The following ERI3 variants were observed in gnomAD, a reference collection of about 807,000 sequenced individuals.
ERI3 encodes the protein ERI1 exoribonuclease family member 3, also known as ERI1 exoribonuclease 3.
In ERI3, 18 loss-of-function variants were observed where a neutral mutation model predicts 44.4. The observed-to-expected ratio is 0.41, with a 90% CI of 0.28 to 0.60. The LOEUF (loss-of-function observed/expected upper bound fraction) is 0.60, where lower values mean the gene tolerates loss of function less well. Ranked by LOEUF, ERI3 falls within the 20% of genes least tolerant of loss-of-function variation. The probability of loss-of-function intolerance (pLI) is 0.36; values close to 1 mark genes in which losing one functional copy is unlikely to be tolerated. For synonymous variants in ERI3, 183 were observed against 164.8 expected (o/e 1.11, Z -0.84); for missense variants, 294 against 435.5 (o/e 0.68, Z 2.89).
At chr1:44,348,628 C>CA (rs1289784526) in intron 2 of ERI3, among the ~76,000 whole-genome samples, 1 of 152,184 alleles carries the variant, frequency 6.6e-6, no homozygotes, top group East Asian at 1.9e-4. Flanking sequence ...GTCTGCTTCC[C>CA]AACAGTTCTG....
intron 8 of ERI3, among the ~76,000 whole-genome samples, chr1:44,244,993 C>CCA (rs1644524307): frequency 6.6e-6 from 1 of 152,134 alleles, no homozygotes; most frequent in East Asian, 1.9e-4. Context: ...AATACACATA[C>CCA]CACTCCCCAC....
intron 3 of ERI3, among the ~76,000 whole-genome samples, chr1:44,324,647 A>C (rs1278986319): frequency 6.6e-6 from 1 of 151,906 alleles, no homozygotes; most frequent in African/African-American, 2.4e-5. Context: ...ACATCCGGCT[A>C]ATTTTTTTGT....
intron 3 of ERI3, among the ~76,000 whole-genome samples, chr1:44,325,859 G>C (rs1646302477): frequency 6.6e-6 from 1 of 151,984 alleles, no homozygotes; most frequent in African/African-American, 2.4e-5. Context: ...ACGTTGGCCA[G>C]GTGGGTCTCA....
chr1:44,317,961 A>G (rs1466858560), intron 4 of ERI3, among the ~76,000 whole-genome samples: 1 of 152,220 alleles, frequency 6.6e-6, no homozygotes, highest in African/African-American at 2.4e-5. Flanking sequence ...TGCCTACAGA[A>G]CAACCACATT....
chr1:44,283,102 A>T (rs967443339), intron 7 of ERI3, among the ~76,000 whole-genome samples: 1 of 152,098 alleles, frequency 6.6e-6, no homozygotes, highest in Non-Finnish European at 1.5e-5. Flanking sequence ...TTCACATTGC[A>T]TTTGCTGAGG....
chr1:44,249,442 A>G (rs1422459963), intron 7 of ERI3, among the ~76,000 whole-genome samples: 1 of 152,222 alleles, frequency 6.6e-6, no homozygotes, highest in Non-Finnish European at 1.5e-5. Flanking sequence ...TGTCTGTGCC[A>G]GGGCCCAGGG....
At chr1:44,352,348 CAGG>C (rs1245725449) in intron 2 of ERI3, among the ~76,000 whole-genome samples, 1 of 152,128 alleles carries the variant, frequency 6.6e-6, no homozygotes, top group African/African-American at 2.4e-5. Context: ...TACTTGTGGG[CAGG>C]AGATCACTTG....
In ERI3 at chr1:44,335,219, C is replaced by T. The variant is rs138581684; in HGVS notation, c.489+3826G>A. 4.6e-5 allele frequency among the ~76,000 whole-genome samples: 7 copies of T among 151,994 alleles called. No individual in the cohort carries two copies. The East Asian group carries it at 1.2e-3, about 25-fold the overall frequency. ...TTAGCCAGGCATGATGGAGCATACC[C>T]ATAGTCCCAGCTACTTGGTAGGCTA... On this transcript the variant is annotated intron_variant, in intron 3 of 8. Transcript: ENST00000372257.
intron 5 of ERI3, among the ~76,000 whole-genome samples, chr1:44,312,535 T>G (rs1286113504): frequency 6.6e-6 from 1 of 152,172 alleles, no homozygotes; most frequent in Non-Finnish European, 1.5e-5. Flanking sequence ...ATCCTAGAAG[T>G]GTGGTCTCTG....
chr1:44,294,874 G>C (rs1234711691), intron 6 of ERI3, among the ~76,000 whole-genome samples: 1 of 152,340 alleles, frequency 6.6e-6, no homozygotes, highest in South Asian at 2.1e-4. Flanking sequence ...CCCTATGCCT[G>C]AACTGCCGTT....
intron 7 of ERI3, among the ~76,000 whole-genome samples, chr1:44,277,914 T>C (rs1354593039): frequency 2.0e-5 from 3 of 152,180 alleles, no homozygotes; most frequent in African/African-American, 7.2e-5. Flanking sequence ...TACATAACCA[T>C]AGCGTCTAGC....
In ERI3 at chr1:44,224,378, C is replaced by T. The variant is rs754156553; in HGVS notation, c.932-2738G>A. Among the ~76,000 whole-genome samples the T allele has an allele frequency of 2.8e-4, 43 of 152,340 alleles. No homozygotes were observed. In the Middle Eastern group the frequency reaches 0.01, roughly 36 times the overall value. On this transcript the variant is annotated intron_variant, in intron 8 of 8. Coordinates refer to ENST00000372257, the MANE Select transcript of ERI3 (RefSeq NM_024066.3). Reference sequence around the variant, plus strand: ...ATGCTCAACCCTCAATCCCTGGACTCCAATCTCAAGGACCCACTCACTGTT... The same window carrying T: ...ATGCTCAACCCTCAATCCCTGGACTTCAATCTCAAGGACCCACTCACTGTT...
At chr1:44,302,152 T>C (rs1645739477) in intron 6 of ERI3, among the ~76,000 whole-genome samples, 1 of 152,234 alleles carries the variant, frequency 6.6e-6, no homozygotes, top group Non-Finnish European at 1.5e-5. Flanking sequence ...ACACGTTCAC[T>C]CCATGTCATC....
intron 6 of ERI3, among the ~76,000 whole-genome samples, chr1:44,296,549 T>C (rs1400552854): frequency 6.6e-6 from 1 of 152,202 alleles, no homozygotes; most frequent in Non-Finnish European, 1.5e-5. Context: ...CCAACACAGA[T>C]GCAAGGCTCC....
chr1:44,333,408 AGGAAAAAGGCCT>A (rs1646470973), intron 3 of ERI3, among the ~76,000 whole-genome samples: 1 of 152,250 alleles, frequency 6.6e-6, no homozygotes, highest in Non-Finnish European at 1.5e-5. Context: ...TAGGCTCTCC[AGGAAAAAGGCCT>A]GGGCCCCATC....
At chr1:44,301,430 T>C (rs910255574) in intron 6 of ERI3, among the ~76,000 whole-genome samples, 1 of 152,224 alleles carries the variant, frequency 6.6e-6, no homozygotes, top group African/African-American at 2.4e-5. Context: ...ACAGCCTCAG[T>C]TGGCTTTTCT....
In ERI3 at chr1:44,308,296, C is replaced by G; in HGVS notation, c.758+14G>C. 6.3e-7 allele frequency: 1 copy of G among 1,599,362 alleles called. No individual in the cohort carries two copies. Among genetic ancestry groups the G allele is most frequent in the South Asian group, 1.1e-5 (1 of 90,772 alleles). On this transcript the variant is annotated intron_variant, in intron 6 of 8. Transcript: ENST00000372257. ...TCCAAGCCCTGCCAGCAAAGCAGCCCTTCTCATACTCACATGACTTTTAAG... is the reference window on the plus strand; with the variant it reads ...TCCAAGCCCTGCCAGCAAAGCAGCCGTTCTCATACTCACATGACTTTTAAG...
At chr1:44,265,917 G>C (rs1644982383) in intron 7 of ERI3, among the ~76,000 whole-genome samples, 1 of 152,170 alleles carries the variant, frequency 6.6e-6, no homozygotes, top group Admixed American at 6.5e-5. Context: ...GTTTCTTTTA[G>C]TGGGGACAAA....
At chr1:44,261,353 G>A (rs1644890621) in intron 7 of ERI3, among the ~76,000 whole-genome samples, 2 of 152,252 alleles carry the variant, frequency 1.3e-5, no homozygotes, top group African/African-American at 4.8e-5. Flanking sequence ...GCCGCCAGCC[G>A]AGCGAGTCTT....
Sources: gnomAD v4.1 joint callset for allele counts (sites outside exome capture counted in the v4.1 genomes callset) on GRCh38, gnomAD v4.1.1 for gene constraint, MANE v1.5 for transcripts, NCBI Gene and HGNC (gene_info 2026-07-23, HGNC 2026-07-21) for gene names.